Variants in GRID2 observed in about 807,000 individuals in gnomAD.
The protein encoded by GRID2 is glutamate receptor ionotropic, delta-2.
A neutral mutation model predicts 114.8 loss-of-function variants in GRID2; 33 were observed. The ratio of observed to expected loss-of-function variants is 0.29; its 90% CI spans 0.22 to 0.38. GRID2 has a LOEUF of 0.38. GRID2 is among the 10% of genes least tolerant of loss of function. The probability of loss-of-function intolerance (pLI) is 1.00; values close to 1 mark genes in which losing one functional copy is unlikely to be tolerated. For missense variants in GRID2, 1,184 were observed against 1,257.7 expected, an observed-to-expected ratio of 0.94 and a Z score of 0.89; for synonymous variants, 505 against 449.9, an observed-to-expected ratio of 1.12 and a Z score of -1.55.
intron 12 of GRID2, among the ~76,000 whole-genome samples, chr4:93,509,821 A>G (rs572886262): frequency 6.6e-6 from 1 of 152,248 alleles, no homozygotes; most frequent in African/African-American, 2.4e-5. Flanking sequence ...ACGGCATATT[A>G]GTTGTTCCTT....
At chr4:93,394,073 G>T (rs2149327836) in intron 8 of GRID2, among the ~76,000 whole-genome samples, 1 of 152,032 alleles carries the variant, frequency 6.6e-6, no homozygotes, top group Non-Finnish European at 1.5e-5. Flanking sequence ...TCCTCTTGAG[G>T]AAGTAATTAG....
intron 14 of GRID2, among the ~76,000 whole-genome samples, chr4:93,661,944 G>T (rs1723535856): frequency 6.6e-6 from 1 of 152,058 alleles, no homozygotes; most frequent in African/African-American, 2.4e-5. Context: ...TTATCCCAAT[G>T]GTCCTACAGC....
Position 93,224,942 on chromosome 4 carries a change from A to G in GRID2, c.1125+167A>G, listed in dbSNP as rs3796675. On this transcript the variant is annotated intron_variant, in intron 7 of 15. Coordinates refer to ENST00000282020, the MANE Select transcript of GRID2 (RefSeq NM_001510.4). ...AAGGTGAGAGAGTCATCAACATATA[A>G]AAAGGGGAGGCTTCCTTATTTATTT... Among the ~76,000 whole-genome samples the G allele has an allele frequency of 0.18, 27,364 of 152,028 alleles. 3,296 individuals are homozygous for G. Among genetic ancestry groups the G allele is most frequent in the African/African-American group, 0.34 (14,067 of 41,444 alleles).
intron 1 of GRID2, among the ~76,000 whole-genome samples, chr4:92,511,600 A>T (rs1724254320): frequency 1.3e-5 from 2 of 151,884 alleles, no homozygotes; most frequent in Non-Finnish European, 2.9e-5. Context: ...CTGATAAATA[A>T]TCGTTGCATT....
At chr4:93,615,858 C>A (rs182833378) in intron 13 of GRID2, among the ~76,000 whole-genome samples, 1 of 151,520 alleles carries the variant, frequency 6.6e-6, no homozygotes, top group East Asian at 1.9e-4. Context: ...TTTTTATACT[C>A]CTATGGTTTT....
chr4:92,587,193 G>A (rs939816381), intron 1 of GRID2, among the ~76,000 whole-genome samples: 6 of 151,070 alleles, frequency 4.0e-5, no homozygotes, highest in African/African-American at 1.2e-4. Flanking sequence ...CTTTTCCCAT[G>A]AAGGTTATAA....
At chr4:92,396,030 G>A (rs974429037) in intron 1 of GRID2, among the ~76,000 whole-genome samples, 1 of 151,746 alleles carries the variant, frequency 6.6e-6, no homozygotes, top group East Asian at 1.9e-4. Context: ...ATGATACAGA[G>A]AAATAGTATG....
At chr4:92,502,834 C>T (rs954278056) in intron 1 of GRID2, among the ~76,000 whole-genome samples, 19 of 150,816 alleles carry the variant, frequency 1.3e-4, no homozygotes, top group Admixed American at 1.0e-3. Context: ...TCTCTTGCCC[C>T]AGCCTACTGA....
At chr4:92,889,318 A>G (rs1370882988) in intron 2 of GRID2, among the ~76,000 whole-genome samples, 1 of 152,170 alleles carries the variant, frequency 6.6e-6, no homozygotes, top group Non-Finnish European at 1.5e-5. Context: ...GAAGAGAGGA[A>G]GTCAAATTGT....
chr4:93,709,297 C>CT lies in GRID2; in HGVS notation c.2361-59909dup, dbSNP rs528164952. Among the ~76,000 whole-genome samples the CT allele has an allele frequency of 4.6e-3, 701 of 152,222 alleles. 6 individuals are homozygous for CT. Among genetic ancestry groups the CT allele is most frequent in the African/African-American group, 0.016 (660 of 41,546 alleles). On this transcript the variant is annotated intron_variant, in intron 14 of 15. Coordinates refer to ENST00000282020, the MANE Select transcript of GRID2 (RefSeq NM_001510.4). ...GTCTGGTGCTGTCAAAATTCCTTGG[C>CT]TTTTATTTCTCATGGAAAGTATTTC...
At chr4:93,504,773 A>G (rs1728463137) in intron 12 of GRID2, among the ~76,000 whole-genome samples, 1 of 152,076 alleles carries the variant, frequency 6.6e-6, no homozygotes, top group African/African-American at 2.4e-5. Context: ...AAGGTTCACA[A>G]ATTATGCAAA....
At chr4:93,376,073 G>A (rs1763351123) in intron 8 of GRID2, among the ~76,000 whole-genome samples, 1 of 152,110 alleles carries the variant, frequency 6.6e-6, no homozygotes, top group Non-Finnish European at 1.5e-5. Flanking sequence ...AACTACAACA[G>A]TCTGATTAGT....
chr4:92,725,345 A>G lies in GRID2; in HGVS notation c.244+135059A>G, dbSNP rs146154228. ...GTTAGAAGTCTAAGTAAGTTGGATAAATTGGAGAGTCTAACATCCTTATTA... is the reference window on the plus strand; with the variant it reads ...GTTAGAAGTCTAAGTAAGTTGGATAGATTGGAGAGTCTAACATCCTTATTA... On this transcript the variant is annotated intron_variant, in intron 2 of 15. Transcript: ENST00000282020. 6.9e-4 allele frequency among the ~76,000 whole-genome samples: 105 copies of G among 152,202 alleles called. 1 individual carries two copies. The East Asian group carries it at 0.014, about 21-fold the overall frequency.
At chr4:93,701,626 T>A (rs1727513689) in intron 14 of GRID2, among the ~76,000 whole-genome samples, 1 of 152,066 alleles carries the variant, frequency 6.6e-6, no homozygotes. Flanking sequence ...TTTTGATAAG[T>A]TCAAGAACAT....
chr4:92,959,070 T>C (rs532772159), intron 2 of GRID2, among the ~76,000 whole-genome samples: 85 of 151,104 alleles, frequency 5.6e-4, no homozygotes, highest in African/African-American at 2.0e-3. Flanking sequence ...TTTTTTTTTT[T>C]TTTTTCCTTA....
At chr4:93,651,755 T>C (rs1177244572) in intron 14 of GRID2, among the ~76,000 whole-genome samples, 1 of 152,192 alleles carries the variant, frequency 6.6e-6, no homozygotes, top group Admixed American at 6.5e-5. Flanking sequence ...GAAAAATATA[T>C]ATACAAACTA....
intron 1 of GRID2, among the ~76,000 whole-genome samples, chr4:92,444,062 TA>T (rs1237850885): frequency 1.3e-5 from 2 of 152,172 alleles, no homozygotes; most frequent in African/African-American, 4.8e-5. Context: ...TTAACTGATT[TA>T]AAATTGGTGA....
At chr4:92,509,113 A>T (rs530506899) in intron 1 of GRID2, among the ~76,000 whole-genome samples, 66 of 151,986 alleles carry the variant, frequency 4.3e-4, no homozygotes, top group African/African-American at 1.6e-3. Context: ...GAAAGAACTG[A>T]TAGATTGGAT....
chr4:93,492,857 G>C (rs1052107060), intron 12 of GRID2, among the ~76,000 whole-genome samples: 1 of 151,698 alleles, frequency 6.6e-6, no homozygotes, highest in Non-Finnish European at 1.5e-5. Context: ...TCCCACAACT[G>C]GTTCATCTTC....
Sources: allele counts gnomAD v4.1 joint callset (sites outside exome capture counted in the v4.1 genomes callset), GRCh38; gene constraint gnomAD v4.1.1; transcripts MANE v1.5; gene names NCBI Gene and HGNC (gene_info 2026-07-23, HGNC 2026-07-21).